The following DNAJC16 variants were observed in gnomAD, a reference collection of about 807,000 sequenced individuals.
DNAJC16 encodes DnaJ heat shock protein family (Hsp40) member C16, also known as dnaJ homolog subfamily C member 16.
DNAJC16 carries 76 observed loss-of-function variants against 92.7 expected under a neutral mutation model. The observed-to-expected ratio is 0.82, with a 90% confidence interval of 0.68 to 0.99. The LOEUF is 0.99. Ranked by LOEUF, DNAJC16 falls within the 50% of genes least tolerant of loss-of-function variation. The pLI is 0.00. For missense variants in DNAJC16, 869 were observed against 942.4 expected, an observed-to-expected ratio of 0.92 and a Z score of 1.02; for synonymous variants, 328 against 358.7, an observed-to-expected ratio of 0.91 and a Z score of 0.97.
chr1:15,565,661 C>A (rs1296423508), intron 11 of DNAJC16: 3 of 470,156 alleles, frequency 6.4e-6, no homozygotes, highest in Non-Finnish European at 1.1e-5. Flanking sequence ...TTTCCTCATG[C>A]AGAACTTATT....
chr1:15,532,495 T>A (rs1710682439), intron 2 of DNAJC16, among the ~76,000 whole-genome samples: 1 of 152,218 alleles, frequency 6.6e-6, no homozygotes, highest in Admixed American at 6.5e-5. Context: ...TTCTTCAGCC[T>A]TGCCCTCCTC....
intron 6 of DNAJC16, among the ~76,000 whole-genome samples, chr1:15,547,413 TG>T (rs1410831542): frequency 6.7e-6 from 1 of 149,470 alleles, no homozygotes; most frequent in Non-Finnish European, 1.5e-5. Context: ...CCCAAATTGC[TG>T]GGATTACAGG....
Position 15,552,280 on chromosome 1 carries a change from G to A in DNAJC16, c.1023+3852G>A, listed in dbSNP as rs141660409. Reference sequence around the variant, plus strand: ...AGGCAGGTGGATCATGAGGTCAGGAGTTCGAGACCAGCCTGCCCAATATGG... The same window carrying A: ...AGGCAGGTGGATCATGAGGTCAGGAATTCGAGACCAGCCTGCCCAATATGG... On this transcript the variant is annotated intron_variant, in intron 7 of 14. Transcript: ENST00000375847. 8.7e-4 allele frequency among the ~76,000 whole-genome samples: 133 copies of A among 152,076 alleles called. 2 individuals are homozygous for A. In the East Asian group the frequency reaches 0.023, roughly 26 times the overall value.
intron 6 of DNAJC16, 44 bp downstream of exon 6, chr1:15,546,915 C>CTTTTTTTT (rs76961003): frequency 2.6e-4 from 232 of 907,230 alleles, no homozygotes; most frequent in East Asian, 7.2e-4. Context: ...CTTTTCTTTT[C>CTTTTTTTT]TTTTTTTTTT....
intron 2 of DNAJC16, among the ~76,000 whole-genome samples, chr1:15,532,802 T>G (rs1029483642): frequency 3.3e-5 from 5 of 152,094 alleles, no homozygotes. Context: ...TTTCCCCCAC[T>G]AATACTCATA....
rs1638877151 is a variant in DNAJC16, at chr1:15,568,751, C to T, written c.*574C>T. On this transcript the variant is annotated 3_prime_UTR_variant, in exon 15 of 15. Coordinates refer to ENST00000375847, the MANE Select transcript of DNAJC16 (RefSeq NM_015291.4). The stretch of plus-strand genomic sequence containing the variant: ...GCTAAATGTATATTTTGGGGGTATC[C>T]CCCAACAACAGTTTGTTGGCCACAG... 2 of 398,768 alleles carry T rather than the reference C, an allele frequency of 5.0e-6. No individual in the cohort carries two copies. Among genetic ancestry groups the T allele is most frequent in the Non-Finnish European group, 8.8e-6 (2 of 226,194 alleles). 24.7% of individuals were successfully genotyped at this position (398,768 alleles called of 1,614,324 possible). A position where few individuals can be genotyped will look rare whatever the true frequency, so the allele number is the denominator to read the frequency against.
At position 15,529,752 on chromosome 1, in the gene DNAJC16, A is replaced by G. The variant is rs552777054; in HGVS notation, c.167+480A>G. On this transcript the variant is annotated intron_variant, in intron 2 of 14. Coordinates refer to ENST00000375847, the MANE Select transcript of DNAJC16 (RefSeq NM_015291.4). Reference sequence around the variant, plus strand: ...TCCAAAAAAAAAAATTCAGAAACCAAGGATAGTTGTCTCTTGATATCCATG... The same window carrying G: ...TCCAAAAAAAAAAATTCAGAAACCAGGGATAGTTGTCTCTTGATATCCATG... 6.6e-5 allele frequency among the ~76,000 whole-genome samples: 10 copies of G among 152,246 alleles called. No homozygotes were observed. The South Asian group carries it at 2.1e-3, about 32-fold the overall frequency.
intron 7 of DNAJC16, among the ~76,000 whole-genome samples, chr1:15,553,154 CT>C (rs540070186): frequency 1.3e-5 from 2 of 152,096 alleles, no homozygotes; most frequent in Non-Finnish European, 2.9e-5. Flanking sequence ...ATGTTCATCT[CT>C]TTTTTTCCTG....
At chr1:15,549,882 A>G (rs1158073603) in intron 7 of DNAJC16, among the ~76,000 whole-genome samples, 6 of 151,914 alleles carry the variant, frequency 3.9e-5, no homozygotes, top group Non-Finnish European at 8.8e-5. Context: ...ACTTTATTAC[A>G]GTATATTGTT....
At chr1:15,567,634 G>GAA (rs1168751566) in intron 14 of DNAJC16, 144 bp from the exon 15 acceptor site, 2 of 910,568 alleles carry the variant, frequency 2.2e-6, no homozygotes, top group Non-Finnish European at 1.7e-6. Context: ...GGCTCCCACA[G>GAA]AAGGCCTTCT....
chr1:15,567,770 TC>T lies in DNAJC16; in HGVS notation c.1950-6del. On this transcript the variant is annotated splice_region_variant and splice_polypyrimidine_tract_variant and intron_variant, in intron 14 of 14. Coordinates refer to ENST00000375847, the MANE Select transcript of DNAJC16 (RefSeq NM_015291.4). The stretch of plus-strand genomic sequence containing the variant: ...TGCCCTGAGTCCTCAATTCTCTTCT[TC>T]CTACAGGAGCAGCTGCCTACACTTC... 1 of 1,609,326 alleles carries T rather than the reference TC, an allele frequency of 6.2e-7. No individual in the cohort carries two copies. Among genetic ancestry groups the T allele is most frequent in the Non-Finnish European group, 8.5e-7 (1 of 1,177,490 alleles).
At chr1:15,564,199 C>CCAG in intron 10 of DNAJC16, 84 bp from the exon 11 acceptor site, 1 of 1,558,980 alleles carries the variant, frequency 6.4e-7, no homozygotes, top group Non-Finnish European at 8.8e-7. Context: ...GAGCAGAGGT[C>CCAG]CAGCAGCAGC....
rs1638828790 is a variant in DNAJC16 at position 15,567,093 on chromosome 1, C to T, written c.1779-6C>T. 1 of 1,604,286 alleles carries T rather than the reference C, an allele frequency of 6.2e-7. No individual in the cohort carries two copies. Among genetic ancestry groups the T allele is most frequent in the East Asian group, 2.2e-5 (1 of 44,562 alleles). On this transcript the variant is annotated splice_region_variant and splice_polypyrimidine_tract_variant and intron_variant, in intron 13 of 14. Transcript: ENST00000375847. The stretch of plus-strand genomic sequence containing the variant: ...AGCATCTTAACTCCTCAATATTTCT[C>T]CACAGCAAGATTCCTAAAAAAGGCT...
intron 7 of DNAJC16, among the ~76,000 whole-genome samples, chr1:15,558,916 T>G (rs1638628852): frequency 6.6e-6 from 1 of 152,192 alleles, no homozygotes; most frequent in Admixed American, 6.5e-5. Flanking sequence ...CTTTTCGTTT[T>G]GGGTTTTTGT....
At chr1:15,565,503 A>G (rs753247094) in intron 11 of DNAJC16, 20 of 184,756 alleles carry the variant, frequency 1.1e-4, no homozygotes, top group Non-Finnish European at 2.2e-4. Flanking sequence ...ATCTTGAAAG[A>G]TCAATTTTAT....
chr1:15,555,520 T>C (rs1638549198), intron 7 of DNAJC16, among the ~76,000 whole-genome samples: 1 of 150,350 alleles, frequency 6.7e-6, no homozygotes, highest in Non-Finnish European at 1.5e-5. Flanking sequence ...CCGTCTCTAC[T>C]AAAAATACAA....
At chr1:15,535,443 A>C (rs1224058381) in intron 3 of DNAJC16, among the ~76,000 whole-genome samples, 1 of 152,206 alleles carries the variant, frequency 6.6e-6, no homozygotes, top group Non-Finnish European at 1.5e-5. Flanking sequence ...CTTTTGAATG[A>C]CTGCATTTAG....
At chr1:15,563,890 T>C in intron 9 of DNAJC16, 39 bp from the exon 10 acceptor site, 3 of 1,566,654 alleles carry the variant, frequency 1.9e-6, no homozygotes, top group Middle Eastern at 1.7e-4. Context: ...TAACCATGCT[T>C]TTGAAACTTC....
Position 15,568,559 on chromosome 1 carries a change from C to T in DNAJC16, c.*382C>T, listed in dbSNP as rs1323336260. ...ATCTGGCGGACCCTCATGAGCCTGT[C>T]GTGCAGGCCAGGTCATTGGCCCCTT... On this transcript the variant is annotated 3_prime_UTR_variant, in exon 15 of 15. Transcript: ENST00000375847. 1.4e-5 allele frequency: 6 copies of T among 418,168 alleles called. No homozygotes were observed. The highest frequency in any genetic ancestry group is 9.8e-5 in the South Asian group (1 of 10,210). 25.9% of individuals were successfully genotyped at this position (418,168 alleles called of 1,614,324 possible).
Sources: allele counts gnomAD v4.1 joint callset (sites outside exome capture counted in the v4.1 genomes callset), GRCh38; gene constraint gnomAD v4.1.1; transcripts MANE v1.5; gene names NCBI Gene and HGNC (gene_info 2026-07-23, HGNC 2026-07-21).